The following DRC1 variants were observed in gnomAD, a reference collection of about 807,000 sequenced individuals.
DRC1 encodes dynein regulatory complex subunit 1, also known as dynein regulatory complex protein 1.
DRC1 carries 74 observed loss-of-function variants against 98.7 expected under a neutral mutation model. The ratio of observed to expected loss-of-function variants is 0.75; its 90% CI spans 0.62 to 0.91. The LOEUF (loss-of-function observed/expected upper bound fraction) is 0.91, where lower values mean the gene tolerates loss of function less well. Ranked by LOEUF, DRC1 falls within the 40% of genes least tolerant of loss-of-function variation. DRC1 has a pLI of 0.00. For missense variants in DRC1, 875 were observed against 886.0 expected (o/e 0.99, Z 0.16); for synonymous variants, 336 against 334.1 (o/e 1.01, Z -0.06).
rs548209014 is a variant in DRC1, at chr2:26,439,936, T to TATATATATATAC, written c.889-441_889-440insTATATATATACA. ...ACTAGTGTGTGAATATATATATATA[T>TATATATATATAC]ACACACACACATACACACACACACA... On this transcript the variant is annotated intron_variant, in intron 7 of 16. Transcript: ENST00000288710. Among the ~76,000 whole-genome samples the TATATATATATAC allele has an allele frequency of 5.7e-4, 43 of 75,502 alleles. No homozygotes were observed. In the East Asian group the frequency reaches 8.2e-3, roughly 14 times the overall value. 49.5% of individuals were successfully genotyped at this position (75,502 alleles called of 152,430 possible).
At chr2:26,418,717 T>TATAAATTATATTTAATTTATATATA (rs1558438412) in intron 2 of DRC1, among the ~76,000 whole-genome samples, 8 of 99,076 alleles carry the variant, frequency 8.1e-5, no homozygotes, top group African/African-American at 3.0e-4. Context: ...ATTTATATAA[T>TATAAATTATATTTAATTTATATATA]ATATAAATTA....
chr2:26,433,401 C>A (rs1663489417), intron 7 of DRC1, among the ~76,000 whole-genome samples: 1 of 152,124 alleles, frequency 6.6e-6, no homozygotes, highest in African/African-American at 2.4e-5. Context: ...AATATATTTA[C>A]CAGTCTTGAG....
chr2:26,412,944 G>C (rs572277218), intron 1 of DRC1, among the ~76,000 whole-genome samples: 1 of 152,056 alleles, frequency 6.6e-6, no homozygotes, highest in East Asian at 1.9e-4. Context: ...CACCACGCCC[G>C]GCTAATTTTT....
intron 4 of DRC1, among the ~76,000 whole-genome samples, 192 bp downstream of exon 4, chr2:26,424,646 C>T (rs1473697660): frequency 6.6e-6 from 1 of 152,164 alleles, no homozygotes; most frequent in Non-Finnish European, 1.5e-5. Flanking sequence ...GCCATCATAA[C>T]CATTTTAAAG....
rs1663978267 is a variant in DRC1 at position 26,450,622 on chromosome 2, T to C, written c.1630T>C (p.Tyr544His). ...ALGIESEDDLYKLVNFFLKYR... is the reference protein window; with the variant it reads ...ALGIESEDDLHKLVNFFLKYR... ...TGGAATTGAAAGTGAGGATGACTTG[T>C]ATAAACTGGTGAACTTCTTCCTTAA... Residue 544 changes from tyrosine to histidine, a missense_variant, in exon 13 of 17, where the codon TAT becomes CAT. Tyr to His is a moderately conservative substitution (Grantham distance 83). Transcript: ENST00000288710. The C allele has an allele frequency of 6.2e-7, 1 of 1,612,886 alleles. No individual in the cohort carries two copies. The highest frequency in any genetic ancestry group is 1.1e-5 in the South Asian group (1 of 90,894).
At chr2:26,434,857 C>T (rs1663530225) in intron 7 of DRC1, among the ~76,000 whole-genome samples, 1 of 149,900 alleles carries the variant, frequency 6.7e-6, no homozygotes, top group South Asian at 2.1e-4. Context: ...CACCACTGCA[C>T]TCCAGCCTGG....
chr2:26,421,460 G>C, intron 3 of DRC1, 60 bp downstream of exon 3: 3 of 1,430,284 alleles, frequency 2.1e-6, no homozygotes, highest in Non-Finnish European at 2.9e-6. Flanking sequence ...GGGTCCGGCA[G>C]TTCTCCCGAA....
intron 8 of DRC1, among the ~76,000 whole-genome samples, chr2:26,440,736 C>T (rs1349166868): frequency 6.6e-6 from 1 of 152,192 alleles, no homozygotes; most frequent in Non-Finnish European, 1.5e-5. Context: ...CTCTTTCCTA[C>T]CTCTGTAACC....
At chr2:26,428,005 C>T (rs1663330978) in intron 4 of DRC1, among the ~76,000 whole-genome samples, 1 of 152,166 alleles carries the variant, frequency 6.6e-6, no homozygotes, top group African/African-American at 2.4e-5. Flanking sequence ...GATTCCAATT[C>T]TTGGCTATTG....
chr2:26,413,045 G>T (rs1375300907), intron 1 of DRC1, among the ~76,000 whole-genome samples: 1 of 152,212 alleles, frequency 6.6e-6, no homozygotes, highest in East Asian at 1.9e-4. Context: ...GCCTCCCAAA[G>T]TGCTGGGATT....
chr2:26,456,350 A>T lies in DRC1; in HGVS notation c.2167-111A>T, dbSNP rs1293982031. On this transcript the variant is annotated intron_variant, in intron 16 of 16. Coordinates refer to ENST00000288710, the MANE Select transcript of DRC1 (RefSeq NM_145038.5). ...TCAGCATCTCTCAGCTTTGGAGAGG[A>T]GATGCGTGCAGGGCTTTGGAGGCCC... The T allele has an allele frequency of 4.6e-6, 6 of 1,302,572 alleles. No individual in the cohort carries two copies. The Admixed American group carries it at 1.1e-4, about 24-fold the overall frequency. 80.7% of individuals were successfully genotyped at this position (1,302,572 alleles called of 1,614,324 possible). A position where few individuals can be genotyped will look rare whatever the true frequency, so the allele number is the denominator to read the frequency against.
intron 10 of DRC1, 91 bp downstream of exon 10, chr2:26,445,039 G>A: frequency 1.5e-6 from 2 of 1,315,536 alleles, no homozygotes; most frequent in South Asian, 1.4e-5. Context: ...AGTCTAGGGA[G>A]GAGGGGGAAG....
intron 9 of DRC1, 29 bp downstream of exon 9, chr2:26,444,385 TTGTCCTAGCATAGAGG>T (rs772792287): frequency 2.5e-6 from 4 of 1,609,286 alleles, no homozygotes; most frequent in Non-Finnish European, 2.5e-6. Context: ...CCTAAGGCAC[TTGTCCTAGCATAGAGG>T]TGACGGGGAT....
chr2:26,430,697 G>A, intron 5 of DRC1, 89 bp from the exon 6 acceptor site: 1 of 1,329,598 alleles, frequency 7.5e-7, no homozygotes, highest in Non-Finnish European at 1.1e-6. Flanking sequence ...TGGTGATATG[G>A]CACTTATAGT....
intron 10 of DRC1, 66 bp downstream of exon 10, chr2:26,445,014 A>G: frequency 6.6e-7 from 1 of 1,523,154 alleles, no homozygotes. Context: ...GGGTCAAGCC[A>G]GTCACGTTAG....
chr2:26,450,891 C>G (rs1476712900), intron 13 of DRC1, among the ~76,000 whole-genome samples: 1 of 152,154 alleles, frequency 6.6e-6, no homozygotes, highest in Admixed American at 6.5e-5. Context: ...CCCCCACCCC[C>G]CGACAGGCCC....
intron 4 of DRC1, among the ~76,000 whole-genome samples, chr2:26,425,754 T>G (rs1052969508): frequency 3.3e-5 from 5 of 152,240 alleles, no homozygotes; most frequent in African/African-American, 1.2e-4. Flanking sequence ...CTTTGCTTAT[T>G]TTTAAATTGG....
At chr2:26,439,950 C>CACACACAT (rs1553342479) in intron 7 of DRC1, among the ~76,000 whole-genome samples, 1 of 25,766 alleles carries the variant, frequency 3.9e-5, no homozygotes, top group African/African-American at 1.1e-4. Flanking sequence ...CACACACATA[C>CACACACAT]ACACACACAC....
chr2:26,428,691 G>C (rs765750807), intron 4 of DRC1, among the ~76,000 whole-genome samples: 2 of 152,072 alleles, frequency 1.3e-5, no homozygotes, highest in Admixed American at 1.3e-4. Context: ...CCAGCTACCC[G>C]GGAGGCTGGG....
Sources: gnomAD v4.1 joint callset for allele counts (sites outside exome capture counted in the v4.1 genomes callset) on GRCh38, gnomAD v4.1.1 for gene constraint, MANE v1.5 for transcripts, NCBI Gene and HGNC (gene_info 2026-07-23, HGNC 2026-07-21) for gene names.